Variants in ARHGAP24 observed in about 807,000 individuals in gnomAD.
ARHGAP24 encodes the protein Rho GTPase activating protein 24.
In ARHGAP24, 50 loss-of-function variants were observed where a neutral mutation model predicts 76.4. The observed-to-expected ratio is 0.65, with a 90% CI of 0.52 to 0.83. ARHGAP24 has a LOEUF of 0.83. Ranked by LOEUF, ARHGAP24 falls within the 40% of genes least tolerant of loss-of-function variation. The pLI is 0.00. For synonymous variants in ARHGAP24, 345 were observed against 323.3 expected, an observed-to-expected ratio of 1.07 and a Z score of -0.72; for missense variants, 930 against 914.2, an observed-to-expected ratio of 1.02 and a Z score of -0.22.
At chr4:85,724,517 ATATATATATATAG>A (rs1725092723) in intron 3 of ARHGAP24, among the ~76,000 whole-genome samples, 2 of 60,264 alleles carry the variant, frequency 3.3e-5, no homozygotes, top group African/African-American at 4.4e-5. Flanking sequence ...ATATATATAT[ATATATATATATAG>A]GAATTTTTAT....
chr4:85,531,179 C>A (rs1725242062), intron 1 of ARHGAP24, among the ~76,000 whole-genome samples: 1 of 151,880 alleles, frequency 6.6e-6, no homozygotes, highest in Admixed American at 6.6e-5. Flanking sequence ...AATATACGAC[C>A]AAGAGAGAAA....
At chr4:85,846,458 G>A (rs2110155457) in intron 3 of ARHGAP24, among the ~76,000 whole-genome samples, 1 of 152,200 alleles carries the variant, frequency 6.6e-6, no homozygotes, top group Admixed American at 6.5e-5. Flanking sequence ...TATTGCTATT[G>A]CAGTAAAATA....
At chr4:85,875,001 T>A (rs1239574767) in intron 3 of ARHGAP24, among the ~76,000 whole-genome samples, 13 of 105,074 alleles carry the variant, frequency 1.2e-4, no homozygotes, top group African/African-American at 5.5e-4. Context: ...TAAATATATA[T>A]TTATATATAA....
chr4:85,978,758 T>C (rs1269435946), intron 8 of ARHGAP24, among the ~76,000 whole-genome samples: 1 of 152,078 alleles, frequency 6.6e-6, no homozygotes, highest in East Asian at 1.9e-4. Context: ...ACAAGTCCTC[T>C]ACAAATAACT....
At chr4:85,717,213 G>A (rs1232049332) in intron 2 of ARHGAP24, among the ~76,000 whole-genome samples, 3 of 152,134 alleles carry the variant, frequency 2.0e-5, no homozygotes, top group East Asian at 1.9e-4. Context: ...TCTAGATATA[G>A]AGAAAAATTG....
intron 2 of ARHGAP24, among the ~76,000 whole-genome samples, chr4:85,706,181 A>C (rs1578157350): frequency 6.6e-6 from 1 of 152,294 alleles, no homozygotes; most frequent in African/African-American, 2.4e-5. Context: ...AAACTACTTT[A>C]TGTGATGTGT....
chr4:85,975,318 G>T (rs1382787457), intron 7 of ARHGAP24, among the ~76,000 whole-genome samples: 2 of 152,146 alleles, frequency 1.3e-5, no homozygotes, highest in African/African-American at 2.4e-5. Context: ...TTGACTAGTT[G>T]CCTGTCTTAT....
At chr4:85,807,609 T>C (rs921592930) in intron 3 of ARHGAP24, among the ~76,000 whole-genome samples, 1 of 152,192 alleles carries the variant, frequency 6.6e-6, no homozygotes, top group African/African-American at 2.4e-5. Flanking sequence ...TTCTCAGGTC[T>C]TCAACTCACA....
At chr4:85,736,294 T>A (rs1485961694) in intron 3 of ARHGAP24, among the ~76,000 whole-genome samples, 1 of 152,230 alleles carries the variant, frequency 6.6e-6, no homozygotes, top group Non-Finnish European at 1.5e-5. Flanking sequence ...GCTAGAACTT[T>A]GTTTTGCTCA....
At chr4:85,590,180 GCCTGCCTGCCTGCCTTCCTTCCTTCCTT>G (rs1247924954) in intron 2 of ARHGAP24, among the ~76,000 whole-genome samples, 2 of 101,800 alleles carry the variant, frequency 2.0e-5, no homozygotes, top group Admixed American at 1.4e-4. Context: ...CTGCCTGCCT[GCCTGCCTGCCTGCCTTCCTTCCTTCCTT>G]CCTTCCTTCC....
chr4:85,828,558 C>T (rs1294504077), intron 3 of ARHGAP24, among the ~76,000 whole-genome samples: 1 of 151,132 alleles, frequency 6.6e-6, no homozygotes, highest in Admixed American at 6.6e-5. Flanking sequence ...CCAAATAATA[C>T]GTGCTATCTT....
At chr4:85,767,527 TA>T (rs996192098) in intron 3 of ARHGAP24, among the ~76,000 whole-genome samples, 9 of 151,992 alleles carry the variant, frequency 5.9e-5, no homozygotes, top group African/African-American at 2.2e-4. Context: ...GTATGAGCCA[TA>T]AACACTGGAA....
chr4:85,598,613 T>C (rs1459311951), intron 2 of ARHGAP24, among the ~76,000 whole-genome samples: 3 of 152,032 alleles, frequency 2.0e-5, no homozygotes, highest in Non-Finnish European at 4.4e-5. Context: ...ATAAAGGAAT[T>C]GAATAGTGTT....
chr4:85,567,231 T>C (rs1360381849), intron 1 of ARHGAP24, among the ~76,000 whole-genome samples: 1 of 152,188 alleles, frequency 6.6e-6, no homozygotes, highest in African/African-American at 2.4e-5. Flanking sequence ...ATGAAATATG[T>C]GTGAGCATGT....
chr4:85,487,462 AC>A (rs1723128552), intron 1 of ARHGAP24, among the ~76,000 whole-genome samples: 3 of 67,362 alleles, frequency 4.5e-5, no homozygotes, highest in South Asian at 7.3e-4. Flanking sequence ...TATTATATAA[AC>A]ATATATTTAT....
intron 3 of ARHGAP24, among the ~76,000 whole-genome samples, chr4:85,787,836 C>A (rs978838426): frequency 3.9e-5 from 6 of 152,074 alleles, no homozygotes; most frequent in Non-Finnish European, 7.4e-5. Context: ...AACTGAAAAC[C>A]CAGATCACAC....
intron 2 of ARHGAP24, among the ~76,000 whole-genome samples, chr4:85,610,451 C>CAAAA (rs57348830): frequency 0.017 from 878 of 51,384 alleles, 35 homozygotes; most frequent in Admixed American, 0.026. Flanking sequence ...ACTCCATCTA[C>CAAAA]AAAAAAAAAA....
At chr4:85,758,049 GGAA>G (rs910921750) in intron 3 of ARHGAP24, among the ~76,000 whole-genome samples, 2 of 146,924 alleles carry the variant, frequency 1.4e-5, no homozygotes, top group African/African-American at 2.5e-5. Context: ...TATGTGCTTT[GGAA>G]GAAGAAGGGG....
chr4:85,684,761 A>C (rs1487190432), intron 2 of ARHGAP24, among the ~76,000 whole-genome samples: 1 of 152,142 alleles, frequency 6.6e-6, no homozygotes, highest in East Asian at 1.9e-4. Flanking sequence ...AAGCCTTTTT[A>C]TTTAGTTGTT....
Sources: gnomAD v4.1 joint callset for allele counts (sites outside exome capture counted in the v4.1 genomes callset) on GRCh38, gnomAD v4.1.1 for gene constraint, MANE v1.5 for transcripts, NCBI Gene and HGNC (gene_info 2026-07-23, HGNC 2026-07-21) for gene names.